Variants in FOXN3 observed in about 807,000 individuals in gnomAD.
The protein encoded by FOXN3 is forkhead box N3.
Under a neutral mutation model 38.4 loss-of-function variants are expected in FOXN3, and 7 were observed. The observed-to-expected ratio is 0.18, with a 90% confidence interval of 0.10 to 0.34. The LOEUF (loss-of-function observed/expected upper bound fraction) is 0.34, where lower values mean the gene tolerates loss of function less well. Ranked by LOEUF, FOXN3 falls within the 10% of genes least tolerant of loss-of-function variation. The pLI, the probability that FOXN3 is intolerant of heterozygous loss-of-function variation, is 1.00. For missense variants in FOXN3, 456 were observed against 613.4 expected (o/e 0.74, Z 2.71); for synonymous variants, 230 against 242.2 (o/e 0.95, Z 0.47).
intron 2 of FOXN3, among the ~76,000 whole-genome samples, chr14:89,377,067 A>G (rs1011177015): frequency 1.1e-4 from 16 of 143,734 alleles, no homozygotes; most frequent in African/African-American, 3.8e-4. Flanking sequence ...TTGAGCCTAC[A>G]TAAGCATTTG....
chr14:89,441,114 C>T (rs1358813915), intron 1 of FOXN3, among the ~76,000 whole-genome samples: 1 of 152,162 alleles, frequency 6.6e-6, no homozygotes, highest in Non-Finnish European at 1.5e-5. Flanking sequence ...CCCTGCCCTT[C>T]CCCAAAGTCT....
intron 4 of FOXN3, among the ~76,000 whole-genome samples, chr14:89,279,603 T>C (rs1377093295): frequency 2.0e-5 from 3 of 152,208 alleles, no homozygotes; most frequent in African/African-American, 7.2e-5. Flanking sequence ...CCACTTCTAC[T>C]ATCTGAAGGG....
At chr14:89,339,103 G>A (rs1238196000) in intron 3 of FOXN3, among the ~76,000 whole-genome samples, 1 of 152,124 alleles carries the variant, frequency 6.6e-6, no homozygotes, top group African/African-American at 2.4e-5. Context: ...TGGGTGAGTT[G>A]CTGGGATTAC....
rs142426064 is a variant in FOXN3 at position 89,349,110 on chromosome 14, A to C, written c.680+1562T>G. On this transcript the variant is annotated intron_variant, in intron 3 of 5. Coordinates refer to ENST00000557258, the MANE Select transcript of FOXN3 (RefSeq NM_005197.4). ...GGGTAGAATGACAAAGAAACATGAG[A>C]ATCTGGGAAATATTTCAATAATTAG... 9.6e-3 allele frequency among the ~76,000 whole-genome samples: 1,457 copies of C among 152,172 alleles called. 23 individuals carry two copies. The highest frequency in any genetic ancestry group is 0.033 in the African/African-American group (1,382 of 41,506).
chr14:89,466,498 T>C (rs1307519113), intron 1 of FOXN3, among the ~76,000 whole-genome samples: 2 of 152,206 alleles, frequency 1.3e-5, no homozygotes, highest in African/African-American at 4.8e-5. Flanking sequence ...CCTGTCCATG[T>C]TGGAAACGTG....
chr14:89,315,121 G>C (rs2139964746), intron 3 of FOXN3, among the ~76,000 whole-genome samples: 1 of 152,026 alleles, frequency 6.6e-6, no homozygotes, highest in African/African-American at 2.4e-5. Context: ...AAAGAGAAGG[G>C]GGTGATAAAT....
At chr14:89,556,120 G>A (rs1895118335) in intron 1 of FOXN3, among the ~76,000 whole-genome samples, 1 of 152,002 alleles carries the variant, frequency 6.6e-6, no homozygotes, top group African/African-American at 2.4e-5. Flanking sequence ...ACAAGCATCA[G>A]AGGCCGGGTG....
intron 4 of FOXN3, among the ~76,000 whole-genome samples, chr14:89,182,349 A>T (rs1887695901): frequency 6.6e-6 from 1 of 152,054 alleles, no homozygotes; most frequent in South Asian, 2.1e-4. Context: ...TTTGCCATTT[A>T]TTTTCCTGGT....
chr14:89,266,535 G>C lies in FOXN3; in HGVS notation c.745+14415C>G, dbSNP rs79272795. On this transcript the variant is annotated intron_variant, in intron 4 of 5. Transcript: ENST00000557258. ...TCAGTCCATAACAGTAAGTTACATG[G>C]ATATATTTTACAAACCTTCATTGAT... Among the ~76,000 whole-genome samples, 558 of 152,258 alleles carry C rather than the reference G, an allele frequency of 3.7e-3. 5 individuals are homozygous for C. The highest frequency in any genetic ancestry group is 0.012 in the African/African-American group (516 of 41,548).
chr14:89,587,202 G>A (rs755561442), intron 1 of FOXN3, among the ~76,000 whole-genome samples: 13 of 152,162 alleles, frequency 8.5e-5, no homozygotes, highest in Admixed American at 1.3e-4. Flanking sequence ...TGGGGTCTTC[G>A]ACTGATTAGG....
At chr14:89,443,984 G>A (rs1892442400) in intron 1 of FOXN3, among the ~76,000 whole-genome samples, 1 of 126,894 alleles carries the variant, frequency 7.9e-6, no homozygotes, top group South Asian at 2.5e-4. Flanking sequence ...ATTCCAGCCT[G>A]GGCAACAAGA....
chr14:89,464,863 A>G (rs1892940504), intron 1 of FOXN3, among the ~76,000 whole-genome samples: 1 of 151,894 alleles, frequency 6.6e-6, no homozygotes, highest in Non-Finnish European at 1.5e-5. Context: ...ACGCCCGGCT[A>G]ATTTTTGTAC....
chr14:89,576,534 CTACAA>C (rs1895623256), intron 1 of FOXN3: 1 of 54,638 alleles, frequency 1.8e-5, no homozygotes, highest in Non-Finnish European at 4.9e-5. Flanking sequence ...ATGCTGTTAC[CTACAA>C]AAAAAAAAAA....
chr14:89,339,769 C>A (rs1888563251), intron 3 of FOXN3, among the ~76,000 whole-genome samples: 1 of 152,234 alleles, frequency 6.6e-6, no homozygotes. Flanking sequence ...TGCCCATCTG[C>A]AGCACCAATT....
chr14:89,530,899 A>G (rs406175), intron 1 of FOXN3, among the ~76,000 whole-genome samples: 108,510 of 148,576 alleles, frequency 0.73, 40,058 homozygotes, highest in Admixed American at 0.81. Context: ...GTGAGCCACC[A>G]CGCCCGGCCT....
At chr14:89,588,807 G>A (rs551414819) in intron 1 of FOXN3, among the ~76,000 whole-genome samples, 3 of 152,294 alleles carry the variant, frequency 2.0e-5, no homozygotes, top group South Asian at 2.1e-4. Flanking sequence ...AACCCAAGGC[G>A]TTAGATACCC....
chr14:89,245,018 T>G (rs73323133), intron 4 of FOXN3, among the ~76,000 whole-genome samples: 58 of 152,306 alleles, frequency 3.8e-4, no homozygotes, highest in African/African-American at 1.3e-3. Context: ...CAAAGATACA[T>G]ACTGTCAGGT....
chr14:89,599,604 T>C (rs943816564), intron 1 of FOXN3, among the ~76,000 whole-genome samples: 2 of 152,190 alleles, frequency 1.3e-5, no homozygotes, highest in African/African-American at 4.8e-5. Context: ...ATGTGATGTG[T>C]CTATTATTTC....
intron 3 of FOXN3, among the ~76,000 whole-genome samples, chr14:89,340,000 T>G (rs1888570280): frequency 6.6e-6 from 1 of 151,688 alleles, no homozygotes; most frequent in African/African-American, 2.4e-5. Context: ...AATCCTAAGA[T>G]AAGAAACTCT....
Sources: gnomAD v4.1 joint callset for allele counts (sites outside exome capture counted in the v4.1 genomes callset) on GRCh38, gnomAD v4.1.1 for gene constraint, MANE v1.5 for transcripts, NCBI Gene and HGNC (gene_info 2026-07-23, HGNC 2026-07-21) for gene names.